HERC1: variants seen among roughly 807,000 people sequenced by gnomAD.
HERC1 encodes the protein probable E3 ubiquitin-protein ligase HERC1.
A neutral mutation model predicts 554.3 loss-of-function variants in HERC1; 160 were observed. The ratio of observed to expected loss-of-function variants is 0.29; its 90% CI spans 0.25 to 0.33. The LOEUF is 0.33. Ranked by LOEUF, HERC1 falls within the 10% of genes least tolerant of loss-of-function variation. The pLI is 1.00. For synonymous variants in HERC1, 2,175 were observed against 2,131.7 expected, an observed-to-expected ratio of 1.02 and a Z score of -0.56; for missense variants, 4,919 against 5,918.5, an observed-to-expected ratio of 0.83 and a Z score of 5.54.
Position 63,680,644 on chromosome 15 carries a change from G to A in HERC1, c.6358C>T (p.His2120Tyr), listed in dbSNP as rs749819659. The change falls in exon 35 of 78, where the codon CAC becomes TAC. Residue 2120 changes from histidine (H) to tyrosine (Y), a missense_variant. Coordinates refer to ENST00000443617, the MANE Select transcript of HERC1 (RefSeq NM_003922.4). The surrounding 1 kb of genome is among the most constrained non-coding windows in gnomAD (Gnocchi z 5.8). ...AATGTGAGAGTCTGTTCTCCATTGT[G>A]ATAGAGGTTACCACTGTAGGCCCTA... ...LYRAYSGNLYHNGEQTLTLSS... is the reference protein window; with the variant it reads ...LYRAYSGNLYYNGEQTLTLSS... 2 of 1,613,692 alleles carry A rather than the reference G, an allele frequency of 1.2e-6. No homozygotes were observed. The highest frequency in any genetic ancestry group is 1.7e-6 in the Non-Finnish European group (2 of 1,179,786).
rs2075511874 is a variant in HERC1, at chr15:63,758,745, T to C, written c.1027-376A>G. On this transcript the variant is annotated intron_variant, in intron 3 of 77. Transcript: ENST00000443617. The surrounding 1 kb of genome is among the most constrained non-coding windows in gnomAD (Gnocchi z 4.0). ...CCTTCCAGAATTGTTCATATACAAA[T>C]TATTTAACACAGTCACCACAGAGGA... 1.3e-5 allele frequency among the ~76,000 whole-genome samples: 2 copies of C among 152,200 alleles called. No homozygotes were observed. Among genetic ancestry groups the C allele is most frequent in the African/African-American group, 4.8e-5 (2 of 41,454 alleles).
intron 1 of HERC1, among the ~76,000 whole-genome samples, chr15:63,800,349 T>C (rs1391337203): frequency 3.9e-5 from 6 of 152,238 alleles, no homozygotes; most frequent in Non-Finnish European, 7.3e-5. Flanking sequence ...CTCTCTTCTA[T>C]AGACGCCTGA....
At chr15:63,706,707 A>G (rs1484229290) in intron 25 of HERC1, 73 bp downstream of exon 25, 4 of 806,632 alleles carry the variant, frequency 5.0e-6, no homozygotes, top group Non-Finnish European at 7.5e-6. Flanking sequence ...TAATTTATTT[A>G]CTATGCTCTT....
intron 1 of HERC1, among the ~76,000 whole-genome samples, chr15:63,831,297 A>G (rs2078145375): frequency 6.6e-6 from 1 of 152,112 alleles, no homozygotes; most frequent in African/African-American, 2.4e-5. Context: ...CATAGAGACA[A>G]GGTTTCACCA....
At chr15:63,620,248 T>G (rs1412370793) in intron 74 of HERC1, among the ~76,000 whole-genome samples, 3 of 152,248 alleles carry the variant, frequency 2.0e-5, no homozygotes, top group Non-Finnish European at 2.9e-5. Context: ...CATTTCATTA[T>G]GTACCCAGTA....
chr15:63,828,726 A>T (rs1287606332), intron 1 of HERC1, among the ~76,000 whole-genome samples: 2 of 152,196 alleles, frequency 1.3e-5, no homozygotes, highest in Non-Finnish European at 2.9e-5. Flanking sequence ...TAATAATTAA[A>T]ATCAACTAGG....
At chr15:63,696,814 A>C (rs2072442036) in intron 26 of HERC1, among the ~76,000 whole-genome samples, 1 of 152,030 alleles carries the variant, frequency 6.6e-6, no homozygotes, top group South Asian at 2.1e-4. Context: ...AATACTCTTT[A>C]GCCCAGGAAT....
Position 63,616,552 on chromosome 15 carries a change from G to C in HERC1, c.13819C>G (p.Gln4607Glu), listed in dbSNP as rs371853982. The C allele has an allele frequency of 6.2e-7, 1 of 1,614,000 alleles. No homozygotes were observed. Among genetic ancestry groups the C allele is most frequent in the Non-Finnish European group, 8.5e-7 (1 of 1,179,898 alleles). Residue 4607 changes from glutamine (Q) to glutamate (E), a missense_variant, in exon 75 of 78, where the codon CAG (glutamine) becomes GAG (glutamate). By Grantham distance (29) the Gln-to-Glu change is conservative. This residue lies in a region of HERC1 where 284 missense variants were observed against 294.1 expected (regional missense o/e 0.97). Coordinates refer to ENST00000443617, the MANE Select transcript of HERC1 (RefSeq NM_003922.4). ...DLHLAPLVWK[Q>E]LCCVPLTLED... ...AGGGTGAGTGGGACACAGCACAGCT[G>C]CTTCCACACCAGAGGGGCCAAGTGG...
chr15:63,631,561 T>G (rs935115952), intron 68 of HERC1, among the ~76,000 whole-genome samples: 1 of 152,086 alleles, frequency 6.6e-6, no homozygotes, highest in Non-Finnish European at 1.5e-5. Flanking sequence ...TTTTTTGAGA[T>G]GAAGTTTCGC....
chr15:63,629,390 C>T (rs1246082140), intron 69 of HERC1, among the ~76,000 whole-genome samples: 1 of 152,108 alleles, frequency 6.6e-6, no homozygotes, highest in Non-Finnish European at 1.5e-5. Flanking sequence ...ATTCCACTTA[C>T]GGAAAGGAAA....
In HERC1 at chr15:63,770,012, G is replaced by C. The variant is rs111834387; in HGVS notation, c.930+4682C>G. 6.2e-3 allele frequency among the ~76,000 whole-genome samples: 940 copies of C among 152,090 alleles called. 5 individuals are homozygous for C. The highest frequency in any genetic ancestry group is 0.011 in the Non-Finnish European group (771 of 68,002). On this transcript the variant is annotated intron_variant, in intron 2 of 77. Transcript: ENST00000443617. ...ACGGAGTACATTTCCTTCCGTTCTG[G>C]CTGTTTTTACTCAAAATTGCTTCAA...
chr15:63,748,144 T>C (rs908323414), intron 10 of HERC1, among the ~76,000 whole-genome samples: 1 of 152,100 alleles, frequency 6.6e-6, no homozygotes, highest in Non-Finnish European at 1.5e-5. Flanking sequence ...GGGAATCGCT[T>C]GAACCTGGGA....
rs1414213162 is a variant in HERC1 at position 63,634,593 on chromosome 15, A to C, written c.12570+140T>G. On this transcript the variant is annotated intron_variant, in intron 66 of 77. Coordinates refer to ENST00000443617, the MANE Select transcript of HERC1 (RefSeq NM_003922.4). ...GAATTTCACATTGGGAAACAGTTAAAATTATCAATTAGACCATAGCAAAAT... is the reference window on the plus strand; with the variant it reads ...GAATTTCACATTGGGAAACAGTTAACATTATCAATTAGACCATAGCAAAAT... The C allele has an allele frequency of 4.9e-6, 3 of 615,762 alleles. No individual in the cohort carries two copies. The African/African-American group carries it at 5.6e-5, about 12-fold the overall frequency. 38.1% of individuals were successfully genotyped at this position (615,762 alleles called of 1,614,324 possible). A position where few individuals can be genotyped will look rare whatever the true frequency, so the allele number is the denominator to read the frequency against.
rs769898077 is a variant in HERC1, at chr15:63,649,734, G to C, written c.10738C>G (p.Arg3580Gly). The C allele has an allele frequency of 3.1e-6, 5 of 1,613,018 alleles. No homozygotes were observed. The highest frequency in any genetic ancestry group is 1.7e-5 in the Admixed American group (1 of 59,968). ...MHRRELEHCYRKDVSVTCIAW... is the reference protein window; with the variant it reads ...MHRRELEHCYGKDVSVTCIAW... The stretch of plus-strand genomic sequence containing the variant: ...AAGTGCAGTCATTTACCATCCTTTC[G>C]ATAGCAATGCTCCAATTCTCGACGG... Residue 3580 changes from arginine (R) to glycine (G), a missense_variant, in exon 54 of 78, where the codon CGA becomes GGA. Coordinates refer to ENST00000443617, the MANE Select transcript of HERC1 (RefSeq NM_003922.4).
At chr15:63,706,171 A>C (rs758350962) in intron 25 of HERC1, among the ~76,000 whole-genome samples, 1 of 152,124 alleles carries the variant, frequency 6.6e-6, no homozygotes, top group Non-Finnish European at 1.5e-5. Context: ...TGAGTTAACT[A>C]TACTATTCAT....
chr15:63,653,404 C>G (rs1442716988), intron 51 of HERC1, among the ~76,000 whole-genome samples: 1 of 152,204 alleles, frequency 6.6e-6, no homozygotes, highest in Non-Finnish European at 1.5e-5. Context: ...GATCTCACCA[C>G]TGTACTTCAG....
At chr15:63,715,744 A>G (rs1046345390) in intron 22 of HERC1, among the ~76,000 whole-genome samples, 1 of 152,240 alleles carries the variant, frequency 6.6e-6, no homozygotes, top group Non-Finnish European at 1.5e-5. Flanking sequence ...AAACATATAA[A>G]TAACTACCTT....
rs1266595024 is a variant in HERC1 at position 63,643,424 on chromosome 15, T to C, written c.11311A>G (p.Met3771Val). Residue 3771 changes from methionine to valine, a missense_variant, in exon 58 of 78, where the codon ATG becomes GTG. Coordinates refer to ENST00000443617, the MANE Select transcript of HERC1 (RefSeq NM_003922.4). Reference sequence around the variant, plus strand: ...CTTACCCTTAAAGACCAAATGTTCATGAGCCCACCTAGTCCACCAGACACC... The same window carrying C: ...CTTACCCTTAAAGACCAAATGTTCACGAGCCCACCTAGTCCACCAGACACC... ...ALVSGGLGGL[M>V]NIWSLRDGSV... 6 of 1,613,272 alleles carry C rather than the reference T, an allele frequency of 3.7e-6. No individual in the cohort carries two copies. Among genetic ancestry groups the C allele is most frequent in the African/African-American group, 2.7e-5 (2 of 74,910 alleles).
intron 19 of HERC1, among the ~76,000 whole-genome samples, chr15:63,720,325 T>C (rs1347689022): frequency 6.6e-6 from 1 of 151,984 alleles, no homozygotes; most frequent in Admixed American, 6.6e-5. Context: ...AACAATGTAG[T>C]ATATTCAGTA....
Sources: gnomAD v4.1 joint callset for allele counts (sites outside exome capture counted in the v4.1 genomes callset) on GRCh38, gnomAD v4.1.1 for gene constraint, gnomAD v4.1.1 regional missense constraint, Gnocchi (gnomAD v3.1) non-coding constraint, MANE v1.5 for transcripts, NCBI Gene and HGNC (gene_info 2026-07-23, HGNC 2026-07-21) for gene names.